The following DLG5 variants were observed in gnomAD, a reference collection of about 807,000 sequenced individuals.
DLG5 encodes the protein discs large MAGUK scaffold protein 5.
Under a neutral mutation model 189.8 loss-of-function variants are expected in DLG5, and 48 were observed. The observed-to-expected ratio is 0.25, with a 90% CI of 0.20 to 0.32. DLG5 has a LOEUF of 0.32. Among genes scored for constraint, DLG5 ranks in the 10% least tolerant of loss-of-function variants. The pLI is 1.00. For missense variants in DLG5, 2,160 were observed against 2,544.7 expected, an observed-to-expected ratio of 0.85 and a Z score of 3.25; for synonymous variants, 1,016 against 1,054.1, an observed-to-expected ratio of 0.96 and a Z score of 0.70.
At chr10:77,918,699 GA>G (rs149499433) in intron 1 of DLG5, among the ~76,000 whole-genome samples, 1 of 150,722 alleles carries the variant, frequency 6.6e-6, no homozygotes, top group Non-Finnish European at 1.5e-5. Context: ...GGTAAAAGGC[GA>G]AAAAAAAATC....
At chr10:77,843,735 G>A (rs1325066634) in intron 5 of DLG5, 29 bp from the exon 6 acceptor site, 2 of 1,612,482 alleles carry the variant, frequency 1.2e-6, no homozygotes, top group Non-Finnish European at 1.7e-6. Context: ...CACTTACCAA[G>A]GGTCTGTGGG....
At chr10:77,810,471 A>C (rs758681617) in intron 23 of DLG5, among the ~76,000 whole-genome samples, 4 of 152,170 alleles carry the variant, frequency 2.6e-5, no homozygotes, top group Non-Finnish European at 5.9e-5. Flanking sequence ...ATGTCACACC[A>C]TGGCCTGGAT....
chr10:77,799,807 TG>T (rs1229586131), intron 27 of DLG5, among the ~76,000 whole-genome samples: 1 of 152,074 alleles, frequency 6.6e-6, no homozygotes. Flanking sequence ...ATGGGAGTCT[TG>T]CCATGTTGCC....
intron 1 of DLG5, among the ~76,000 whole-genome samples, chr10:77,874,209 GA>G (rs1279341995): frequency 1.3e-5 from 2 of 152,236 alleles, no homozygotes; most frequent in South Asian, 2.1e-4. Flanking sequence ...CCTTCTCTCT[GA>G]GCCAAACAAT....
At chr10:77,914,039 C>T (rs914072207) in intron 1 of DLG5, among the ~76,000 whole-genome samples, 1 of 152,224 alleles carries the variant, frequency 6.6e-6, no homozygotes, top group African/African-American at 2.4e-5. Flanking sequence ...GGTCTTATCA[C>T]ATACCCTGCA....
intron 20 of DLG5, 73 bp downstream of exon 20, chr10:77,816,478 G>GCTTCTACTA: frequency 6.2e-7 from 1 of 1,606,702 alleles, no homozygotes; most frequent in Non-Finnish European, 8.5e-7. Flanking sequence ...CTTCCCTGCA[G>GCTTCTACTA]AGCCCAGGCC....
intron 1 of DLG5, among the ~76,000 whole-genome samples, chr10:77,875,389 A>G (rs1845051780): frequency 6.6e-6 from 1 of 152,166 alleles, no homozygotes; most frequent in Non-Finnish European, 1.5e-5. Context: ...GGCTTGGGCC[A>G]AGGCCCCCCA....
At chr10:77,907,756 G>A (rs992350869) in intron 1 of DLG5, among the ~76,000 whole-genome samples, 2 of 152,082 alleles carry the variant, frequency 1.3e-5, no homozygotes, top group African/African-American at 4.8e-5. Context: ...CATGGTCACG[G>A]TAAGTGGCAG....
At chr10:77,911,263 G>A (rs1242044065) in intron 1 of DLG5, among the ~76,000 whole-genome samples, 1 of 152,012 alleles carries the variant, frequency 6.6e-6, no homozygotes, top group South Asian at 2.1e-4. Flanking sequence ...AAGCAACTGG[G>A]ACCACAGGCA....
At chr10:77,828,437 G>C (rs1842744201) in intron 13 of DLG5, among the ~76,000 whole-genome samples, 1 of 137,740 alleles carries the variant, frequency 7.3e-6, no homozygotes, top group African/African-American at 2.9e-5. Context: ...CAGTGAGCCG[G>C]GATTGCGCCA....
chr10:77,847,320 G>C (rs556296218), intron 5 of DLG5, among the ~76,000 whole-genome samples: 1 of 152,254 alleles, frequency 6.6e-6, no homozygotes, highest in South Asian at 2.1e-4. Context: ...CCTTGGGATA[G>C]GGTCGTGCTC....
intron 1 of DLG5, among the ~76,000 whole-genome samples, chr10:77,919,152 G>A (rs1248834984): frequency 6.6e-6 from 1 of 152,016 alleles, no homozygotes; most frequent in African/African-American, 2.4e-5. Flanking sequence ...GGAGGCAGAG[G>A]GTGCAGTAAG....
At position 77,843,717 on chromosome 10, in the gene DLG5, GAC is replaced by G; in HGVS notation, c.865-13_865-12del. The G allele has an allele frequency of 6.2e-7, 1 of 1,613,970 alleles. No homozygotes were observed. The highest frequency in any genetic ancestry group is 8.5e-7 in the Non-Finnish European group (1 of 1,179,922). On this transcript the variant is annotated splice_polypyrimidine_tract_variant and intron_variant, in intron 5 of 31. Coordinates refer to ENST00000372391, the MANE Select transcript of DLG5 (RefSeq NM_004747.4). ...GTTGTGCTTCAACACCTGGAGACCA[GAC>G]AGTTTCACTTACCAAGGGTCTGTGG...
At chr10:77,842,851 A>G (rs553633762) in intron 6 of DLG5, among the ~76,000 whole-genome samples, 1 of 152,360 alleles carries the variant, frequency 6.6e-6, no homozygotes, top group Non-Finnish European at 1.5e-5. Flanking sequence ...GAAGGCTCTG[A>G]GAAGTCCTGC....
intron 1 of DLG5, among the ~76,000 whole-genome samples, chr10:77,878,356 G>A (rs1278400195): frequency 6.6e-6 from 1 of 152,188 alleles, no homozygotes; most frequent in African/African-American, 2.4e-5. Flanking sequence ...GCAACGAGAG[G>A]GAAAGCCCTT....
intron 1 of DLG5, among the ~76,000 whole-genome samples, chr10:77,876,260 C>T (rs1845083996): frequency 6.6e-6 from 1 of 151,886 alleles, no homozygotes; most frequent in Non-Finnish European, 1.5e-5. Flanking sequence ...TAAAGGTGGC[C>T]AGGTGAGGTG....
intron 27 of DLG5, among the ~76,000 whole-genome samples, chr10:77,802,878 C>T (rs559979884): frequency 2.3e-4 from 35 of 151,926 alleles, no homozygotes; most frequent in Non-Finnish European, 3.8e-4. Context: ...CCGGCCTGGG[C>T]GACAGAGCGA....
At chr10:77,896,995 T>C (rs1845779911) in intron 1 of DLG5, among the ~76,000 whole-genome samples, 1 of 150,472 alleles carries the variant, frequency 6.6e-6, no homozygotes, top group Non-Finnish European at 1.5e-5. Flanking sequence ...CGAAGAAAAA[T>C]AATCCCACTG....
chr10:77,937,580 A>G, the DLG5 span, among the ~76,000 whole-genome samples: 3 of 152,038 alleles, frequency 2.0e-5, no homozygotes, highest in African/African-American at 7.2e-5. Flanking sequence ...GGGAGCTCTC[A>G]TCTTTCTGTT....
Sources: allele counts gnomAD v4.1 joint callset (sites outside exome capture counted in the v4.1 genomes callset), GRCh38; gene constraint gnomAD v4.1.1; transcripts MANE v1.5; gene names NCBI Gene and HGNC (gene_info 2026-07-23, HGNC 2026-07-21).